DISC1: variants seen among roughly 807,000 people sequenced by gnomAD.
DISC1 encodes disrupted in schizophrenia 1 protein.
In DISC1, 57 loss-of-function variants were observed where a neutral mutation model predicts 84.5. That is an observed-to-expected ratio of 0.67 (90% confidence interval 0.55 to 0.84). DISC1 has a LOEUF of 0.84. DISC1 is among the 40% of genes least tolerant of loss of function. The pLI, the probability that DISC1 is intolerant of heterozygous loss-of-function variation, is 0.00. For synonymous variants in DISC1, 411 were observed against 415.2 expected (o/e 0.99, Z 0.12); for missense variants, 1,000 against 1,057.8 (o/e 0.95, Z 0.76).
chr1:231,674,455 T>C (rs1011526443), intron 1 of DISC1, among the ~76,000 whole-genome samples: 1 of 152,228 alleles, frequency 6.6e-6, no homozygotes, highest in South Asian at 2.1e-4. Flanking sequence ...TAGTAAAACA[T>C]TTCATTTCTA....
chr1:231,778,729 C>A (rs1185379302), intron 6 of DISC1, among the ~76,000 whole-genome samples: 1 of 152,170 alleles, frequency 6.6e-6, no homozygotes, highest in African/African-American at 2.4e-5. Context: ...CCTTATCTGG[C>A]TGGGTACAGA....
intron 1 of DISC1, among the ~76,000 whole-genome samples, chr1:231,651,394 G>A (rs2060610872): frequency 6.6e-6 from 1 of 152,196 alleles, no homozygotes; most frequent in Admixed American, 6.5e-5. Context: ...ATCACCAGTG[G>A]AGGCTGCAGA....
chr1:231,786,701 C>G (rs966839691), intron 6 of DISC1, among the ~76,000 whole-genome samples: 1 of 152,178 alleles, frequency 6.6e-6, no homozygotes, highest in Non-Finnish European at 1.5e-5. Flanking sequence ...TGTCTTCCTA[C>G]CCTTGCACCT....
intron 10 of DISC1, among the ~76,000 whole-genome samples, chr1:232,001,861 C>T (rs1666734145): frequency 6.6e-6 from 1 of 152,092 alleles, no homozygotes; most frequent in South Asian, 2.1e-4. Context: ...GAAGCACAAT[C>T]AAGTAAAAGG....
intron 12 of DISC1, among the ~76,000 whole-genome samples, chr1:232,028,684 A>G (rs1277573676): frequency 6.6e-6 from 1 of 152,206 alleles, no homozygotes; most frequent in African/African-American, 2.4e-5. Context: ...GGGTAAGTGC[A>G]TGATTTTAGG....
chr1:231,668,922 C>A (rs1354567658), intron 1 of DISC1, among the ~76,000 whole-genome samples: 1 of 152,194 alleles, frequency 6.6e-6, no homozygotes, highest in Non-Finnish European at 1.5e-5. Flanking sequence ...TATCTGAAGT[C>A]AGTGCTCATG....
intron 6 of DISC1, 178 bp downstream of exon 6, chr1:231,771,248 A>G (rs1251910484): frequency 2.0e-6 from 2 of 984,900 alleles, no homozygotes; most frequent in Non-Finnish European, 2.4e-6. Context: ...AGTCCTGAAC[A>G]TTGCAAGTTA....
intron 9 of DISC1, among the ~76,000 whole-genome samples, chr1:231,924,574 C>A (rs1171022215): frequency 6.6e-6 from 1 of 152,058 alleles, no homozygotes; most frequent in Non-Finnish European, 1.5e-5. Flanking sequence ...AATCCTGATT[C>A]TCCTTTAGAG....
At chr1:231,773,374 A>G (rs2076699940) in intron 6 of DISC1, among the ~76,000 whole-genome samples, 1 of 151,620 alleles carries the variant, frequency 6.6e-6, no homozygotes, top group South Asian at 2.1e-4. Flanking sequence ...ATAGGTTTTT[A>G]TTTGTTTGTT....
chr1:231,859,548 T>G (rs1424440882), intron 9 of DISC1, among the ~76,000 whole-genome samples: 1 of 136,796 alleles, frequency 7.3e-6, no homozygotes, highest in Admixed American at 7.7e-5. Context: ...CCAAAACCCC[T>G]ACATCTTAAT....
At chr1:232,011,129 C>A (rs1275194294) in intron 11 of DISC1, among the ~76,000 whole-genome samples, 1 of 152,186 alleles carries the variant, frequency 6.6e-6, no homozygotes, top group Non-Finnish European at 1.5e-5. Flanking sequence ...TGGGGACAGA[C>A]TTTCCCAGGC....
chr1:231,924,202 A>C (rs1228346609), intron 9 of DISC1, among the ~76,000 whole-genome samples: 1 of 152,196 alleles, frequency 6.6e-6, no homozygotes, highest in Non-Finnish European at 1.5e-5. Flanking sequence ...ATCCTGGAAA[A>C]GAAAGGCACA....
intron 6 of DISC1, among the ~76,000 whole-genome samples, chr1:231,772,535 G>T (rs1468248510): frequency 6.6e-6 from 1 of 152,126 alleles, no homozygotes; most frequent in East Asian, 1.9e-4. Flanking sequence ...ACTCATTATT[G>T]GCCGATTTGA....
intron 1 of DISC1, among the ~76,000 whole-genome samples, chr1:231,641,865 C>T (rs988149804): frequency 1.3e-5 from 2 of 152,252 alleles, no homozygotes; most frequent in African/African-American, 4.8e-5. Context: ...CCCCACCAGA[C>T]TCAGGAGCCC....
At chr1:231,874,083 G>A (rs2085670841) in intron 9 of DISC1, among the ~76,000 whole-genome samples, 1 of 150,344 alleles carries the variant, frequency 6.7e-6, no homozygotes, top group Admixed American at 6.7e-5. Flanking sequence ...CCTAACCTTA[G>A]GTGATCCACC....
intron 10 of DISC1, among the ~76,000 whole-genome samples, chr1:231,979,241 G>T (rs1462222565): frequency 6.6e-6 from 1 of 151,870 alleles, no homozygotes; most frequent in African/African-American, 2.4e-5. Flanking sequence ...TTGTATAATT[G>T]TTTTATTAAA....
At chr1:231,773,541 C>T (rs1390406599) in intron 6 of DISC1, among the ~76,000 whole-genome samples, 1 of 151,920 alleles carries the variant, frequency 6.6e-6, no homozygotes, top group East Asian at 2.0e-4. Context: ...TGTGCCAGCA[C>T]ACCCAGCTAA....
intron 9 of DISC1, among the ~76,000 whole-genome samples, chr1:231,885,278 G>A (rs542792969): frequency 6.6e-6 from 1 of 152,278 alleles, no homozygotes; most frequent in Admixed American, 6.5e-5. Context: ...TTGCCCATGG[G>A]GGAAGGATTA....
intron 9 of DISC1, among the ~76,000 whole-genome samples, chr1:231,868,325 C>T (rs985361944): frequency 6.6e-6 from 1 of 152,072 alleles, no homozygotes; most frequent in African/African-American, 2.4e-5. Context: ...CCTCTTTCAT[C>T]GTTTTCCTTT....
Sources: gnomAD v4.1 joint callset for allele counts (sites outside exome capture counted in the v4.1 genomes callset) on GRCh38, gnomAD v4.1.1 for gene constraint, MANE v1.5 for transcripts, NCBI Gene and HGNC (gene_info 2026-07-23, HGNC 2026-07-21) for gene names.